TRIM16: variants seen among roughly 807,000 people sequenced by gnomAD.
The protein encoded by TRIM16 is tripartite motif containing 16, also known as tripartite motif-containing protein 16.
Under a neutral mutation model 50.4 loss-of-function variants are expected in TRIM16, and 33 were observed. The observed-to-expected ratio is 0.65, with a 90% CI of 0.50 to 0.88. The LOEUF (loss-of-function observed/expected upper bound fraction) is 0.88. TRIM16 is among the 40% of genes least tolerant of loss of function. TRIM16 has a pLI of 0.00. For missense variants in TRIM16, 581 were observed against 686.8 expected (o/e 0.85, Z 1.72); for synonymous variants, 229 against 270.7 (o/e 0.85, Z 1.51).
intron 7 of TRIM16, among the ~76,000 whole-genome samples, chr17:15,649,108 T>C (rs1225480981): frequency 1.3e-5 from 2 of 152,180 alleles, no homozygotes; most frequent in Non-Finnish European, 2.9e-5. Flanking sequence ...CTCTAATACA[T>C]TAGGTGCCCT....
At chr17:15,659,868 G>A (rs1205371107) in intron 6 of TRIM16, among the ~76,000 whole-genome samples, 1 of 152,218 alleles carries the variant, frequency 6.6e-6, no homozygotes, top group Non-Finnish European at 1.5e-5. Flanking sequence ...ATTCCAGGGA[G>A]CCGCACTCAC....
intron 3 of TRIM16, 68 bp from the exon 4 acceptor site, chr17:15,681,021 C>T (rs2151432098): frequency 8.4e-6 from 11 of 1,317,158 alleles, no homozygotes; most frequent in Non-Finnish European, 1.1e-5. Flanking sequence ...AATTTAGAAA[C>T]AGCCACTTAT....
Position 15,629,009 on chromosome 17 carries a change from T to G in TRIM16, c.1301A>C (p.Glu434Ala). The change falls in exon 12 of 12, where the codon GAG becomes GCG. Residue 434 changes from glutamate (E) to alanine (A), a missense_variant. By Grantham distance (107) the Glu-to-Ala change is moderately radical. Coordinates refer to ENST00000649191, the MANE Select transcript of TRIM16 (RefSeq NM_001348119.1). ...AACATAGGTGCCTGCCCCGAAGATC[T>G]CCACCTCAAAATAGTACCTGTGCAG... is the stretch of plus-strand genomic sequence containing the variant. ...LYLHRYYFEV[E>A]IFGAGTYVGL... 6.2e-7 allele frequency: 1 copy of G among 1,614,128 alleles called. No individual in the cohort carries two copies. The highest frequency in any genetic ancestry group is 2.2e-5 in the East Asian group (1 of 44,878).
intron 6 of TRIM16, among the ~76,000 whole-genome samples, chr17:15,657,971 T>C (rs2150924786): frequency 6.6e-6 from 1 of 152,334 alleles, no homozygotes; most frequent in South Asian, 2.1e-4. Flanking sequence ...CACCTAGATA[T>C]TCTTTTTTCC....
In TRIM16 at chr17:15,651,855, C is replaced by A; in HGVS notation, c.-246G>T. ...GGACAGCCGGCTCAGGCTCAGGCTG[C>A]CTCCCCAGGTCCAGCCCTGAAACTT... On this transcript the variant is annotated 5_prime_UTR_variant, in exon 7 of 12. Coordinates refer to ENST00000649191, the MANE Select transcript of TRIM16 (RefSeq NM_001348119.1). The A allele has an allele frequency of 9.2e-6, 13 of 1,419,522 alleles. 1 individual carries two copies. In the South Asian group the frequency reaches 1.9e-4, roughly 21 times the overall value. 87.9% of individuals were successfully genotyped at this position (1,419,522 alleles called of 1,614,324 possible).
chr17:15,636,055 T>C lies in TRIM16; in HGVS notation c.830A>G (p.Asn277Ser). Residue 277 changes from asparagine to serine, a missense_variant, in exon 9 of 12, where the codon AAC (asparagine) becomes AGC (serine). Coordinates refer to ENST00000649191, the MANE Select transcript of TRIM16 (RefSeq NM_001348119.1). Reference protein sequence around the residue: ...QELERMAAISNTVQFLEEYCK... With the variant: ...QELERMAAISSTVQFLEEYCK... ...CCATACCTCCAAGAACTGGACAGTG[T>C]TGCTGATGGCCGCCATCCTCTCCAG... 2 of 1,611,052 alleles carry C rather than the reference T, an allele frequency of 1.2e-6. No homozygotes were observed. Among genetic ancestry groups the C allele is most frequent in the Non-Finnish European group, 1.7e-6 (2 of 1,179,344 alleles).
At chr17:15,637,377 C>A in intron 8 of TRIM16, among the ~76,000 whole-genome samples, 1 of 113,404 alleles carries the variant, frequency 8.8e-6, no homozygotes, top group Non-Finnish European at 1.8e-5. Context: ...CGGCCAGCCG[C>A]CCCGTCCGGG....
At chr17:15,670,384 C>T (rs1406605677) in intron 6 of TRIM16, among the ~76,000 whole-genome samples, 3 of 152,116 alleles carry the variant, frequency 2.0e-5, no homozygotes, top group Non-Finnish European at 4.4e-5. Context: ...CCCTCCTGTC[C>T]CTCAATCAGC....
At chr17:15,682,320 C>T (rs1388772481) in intron 3 of TRIM16, among the ~76,000 whole-genome samples, 3 of 152,182 alleles carry the variant, frequency 2.0e-5, no homozygotes, top group Admixed American at 1.3e-4. Context: ...ATGCCTGTCC[C>T]CTCCCTGTAC....
intron 6 of TRIM16, among the ~76,000 whole-genome samples, chr17:15,656,916 C>T (rs1166773929): frequency 2.0e-5 from 3 of 151,956 alleles, no homozygotes; most frequent in African/African-American, 7.3e-5. Context: ...CTCCACCACA[C>T]TTGGCTAATT....
chr17:15,672,786 C>T lies in TRIM16; in HGVS notation c.-338+4390G>A, dbSNP rs187275403. Among the ~76,000 whole-genome samples the T allele has an allele frequency of 4.4e-3, 674 of 152,292 alleles. 2 individuals carry two copies. Among genetic ancestry groups the T allele is most frequent in the Middle Eastern group, 0.034 (10 of 294 alleles). On this transcript the variant is annotated intron_variant, in intron 6 of 11. Coordinates refer to ENST00000649191, the MANE Select transcript of TRIM16 (RefSeq NM_001348119.1). ...GAGGAGAGCACAAGCATAGACCATACTACTAACAGTACAGTCAGAGTAAAC... is the reference window on the plus strand; with the variant it reads ...GAGGAGAGCACAAGCATAGACCATATTACTAACAGTACAGTCAGAGTAAAC...
intron 6 of TRIM16, among the ~76,000 whole-genome samples, chr17:15,657,174 A>G (rs1988019995): frequency 6.6e-6 from 1 of 152,056 alleles, no homozygotes; most frequent in African/African-American, 2.4e-5. Flanking sequence ...AATAACATAA[A>G]ATTTACCATC....
chr17:15,681,654 A>AT lies in TRIM16; in HGVS notation c.-678-702dup, dbSNP rs1989188040. The stretch of plus-strand genomic sequence containing the variant: ...GCTCATAATTTACTTCTCCATTTTG[A>AT]TTTTTTTGCCTGTAGGGAGAGAACT... On this transcript the variant is annotated intron_variant, in intron 3 of 11. Coordinates refer to ENST00000649191, the MANE Select transcript of TRIM16 (RefSeq NM_001348119.1). Among the ~76,000 whole-genome samples the AT allele has an allele frequency of 2.0e-5, 3 of 152,026 alleles. No homozygotes were observed. In the South Asian group the frequency reaches 6.2e-4, roughly 32 times the overall value.
intron 6 of TRIM16, among the ~76,000 whole-genome samples, chr17:15,654,915 T>C (rs1315871277): frequency 1.3e-5 from 2 of 152,098 alleles, no homozygotes; most frequent in Non-Finnish European, 2.9e-5. Context: ...ATTCCTTAAT[T>C]ATCCCACAGC....
chr17:15,679,936 CAAAAAAAA>C (rs56845789), intron 4 of TRIM16, among the ~76,000 whole-genome samples: 29 of 128,654 alleles, frequency 2.3e-4, no homozygotes, highest in African/African-American at 7.8e-4. Flanking sequence ...GACTATGTCT[CAAAAAAAA>C]AAAAAAAGAA....
At chr17:15,637,118 G>C (rs1241911026) in intron 8 of TRIM16, among the ~76,000 whole-genome samples, 1 of 126,996 alleles carries the variant, frequency 7.9e-6, no homozygotes, top group South Asian at 2.5e-4. Flanking sequence ...AGGGAGGTGG[G>C]GGGGGGGGGT....
At chr17:15,659,871 G>A (rs1454988318) in intron 6 of TRIM16, among the ~76,000 whole-genome samples, 2 of 152,194 alleles carry the variant, frequency 1.3e-5, no homozygotes, top group East Asian at 1.9e-4. Context: ...CCAGGGAGCC[G>A]CACTCACCTT....
chr17:15,658,949 G>A (rs775899560), intron 6 of TRIM16: 100 of 854,482 alleles, frequency 1.2e-4, no homozygotes, highest in Non-Finnish European at 1.4e-4. Context: ...AAATAAAGGT[G>A]AGACAAACAG....
intron 6 of TRIM16, among the ~76,000 whole-genome samples, chr17:15,656,646 C>T (rs945599865): frequency 1.3e-5 from 2 of 152,176 alleles, no homozygotes; most frequent in Non-Finnish European, 2.9e-5. Flanking sequence ...CCCTTAGTGA[C>T]AGAAGATTTA....
Sources: allele counts gnomAD v4.1 joint callset (sites outside exome capture counted in the v4.1 genomes callset), GRCh38; gene constraint gnomAD v4.1.1; transcripts MANE v1.5; gene names NCBI Gene and HGNC (gene_info 2026-07-23, HGNC 2026-07-21).